TRMT13: variants seen among roughly 807,000 people sequenced by gnomAD.
The protein encoded by TRMT13 is tRNA methyltransferase 13.
In TRMT13, 45 loss-of-function variants were observed where a neutral mutation model predicts 55.9. That is an observed-to-expected ratio of 0.80 (90% CI 0.63 to 1.03). The LOEUF (loss-of-function observed/expected upper bound fraction) is 1.03, where lower values mean the gene tolerates loss of function less well. Ranked by LOEUF, TRMT13 falls within the 50% of genes least tolerant of loss-of-function variation. The pLI is 0.00. For missense variants in TRMT13, 513 were observed against 563.9 expected (o/e 0.91, Z 0.91); for synonymous variants, 183 against 196.3 (o/e 0.93, Z 0.57).
rs1445007253 is a variant in TRMT13 at position 100,148,664 on chromosome 1, T to C, written c.1290T>C (p.Leu430=). 3 of 1,611,738 alleles carry C rather than the reference T, an allele frequency of 1.9e-6. No homozygotes were observed. Among genetic ancestry groups the C allele is most frequent in the Non-Finnish European group, 2.5e-6 (3 of 1,179,438 alleles). Residue 430 remains leucine (L), a synonymous_variant, in exon 11 of 11, where the codon CTT becomes CTC. Transcript: ENST00000370141. ...AAGAAAAGAAGAAAATAGGGCATCT[T>C]TGTAAATTGCTGATTGACCAAGGTC... ...SVEEKKKIGH[L]CKLLIDQGRI...
At chr1:100,145,236 C>T (rs1162596206) in intron 9 of TRMT13, among the ~76,000 whole-genome samples, 4 of 152,166 alleles carry the variant, frequency 2.6e-5, no homozygotes, top group Non-Finnish European at 4.4e-5. Context: ...ATGATGAAAT[C>T]GCCTAATGCA....
At position 100,147,896 on chromosome 1, in the gene TRMT13, C is replaced by A. The variant is rs1319254373; in HGVS notation, c.820C>A (p.Leu274Ile). ...GGGCCACATAATTGTGTTTGCAGAT[C>A]TTGCATTACGATGTTTGGTTGAAAC... ...GKHLCGMATD[L>I]ALRCLVETYA... The change falls in exon 10 of 11, where the codon CTT becomes ATT. Residue 274 changes from leucine (L) to isoleucine (I), a missense_variant and splice_region_variant. Leu to Ile is a conservative substitution (Grantham distance 5, BLOSUM62 2). Coordinates refer to ENST00000370141, the MANE Select transcript of TRMT13 (RefSeq NM_019083.3). The A allele has an allele frequency of 6.3e-7, 1 of 1,590,714 alleles. No homozygotes were observed. The highest frequency in any genetic ancestry group is 1.8e-5 in the Admixed American group (1 of 55,778).
chr1:100,140,496 C>A lies in TRMT13; in HGVS notation c.483C>A (p.Thr161=). The A allele has an allele frequency of 1.2e-6, 2 of 1,613,360 alleles. No individual in the cohort carries two copies. The highest frequency in any genetic ancestry group is 1.1e-5 in the South Asian group (1 of 91,058). ...LNDPKNGDSA[T]KHLKQQASIL... ...ACCCTAAAAATGGCGATTCTGCAAC[C>A]AAGCACCTGAAACAGCAGGTATGTT... Residue 161 remains threonine (T), a synonymous_variant, in exon 6 of 11, where the codon ACC becomes ACA. Coordinates refer to ENST00000370141, the MANE Select transcript of TRMT13 (RefSeq NM_019083.3).
At chr1:100,148,434 A>G in intron 10 of TRMT13, 108 bp downstream of exon 10, 1 of 1,257,242 alleles carries the variant, frequency 8.0e-7, no homozygotes, top group Non-Finnish European at 1.1e-6. Context: ...TTATAATCTA[A>G]TTTTAGAATA....
chr1:100,148,986 C>G lies in TRMT13; in HGVS notation c.*166C>G. ...AGCTTTTCTTTTTACTTCAGAAATC[C>G]AAACATTAGAGAATTCACCAAAGTA... On this transcript the variant is annotated 3_prime_UTR_variant, in exon 11 of 11. Transcript: ENST00000370141. The G allele has an allele frequency of 7.0e-7, 1 of 1,421,004 alleles. No individual in the cohort carries two copies. The highest frequency in any genetic ancestry group is 9.3e-7 in the Non-Finnish European group (1 of 1,070,032). The allele number at this position is 1,421,004 out of a possible 1,614,324, so 88.0% of individuals were successfully genotyped here. A position where few individuals can be genotyped will look rare whatever the true frequency, so the allele number is the denominator to read the frequency against.
At position 100,141,038 on chromosome 1, in the gene TRMT13, CTG is replaced by C; in HGVS notation, c.669+23_669+24del. On this transcript the variant is annotated intron_variant, in intron 7 of 10. Transcript: ENST00000370141. ...ATTCAAGGTAAGTGAAACCATTGCT[CTG>C]TGTTAGTAACCAAACTTGTTTTCAT... 6.3e-7 allele frequency: 1 copy of C among 1,584,684 alleles called. No homozygotes were observed. The highest frequency in any genetic ancestry group is 8.6e-7 in the Non-Finnish European group (1 of 1,165,960).
Position 100,136,946 on chromosome 1 carries a change from A to G in TRMT13, c.194+18A>G. 13 of 1,601,756 alleles carry G rather than the reference A, an allele frequency of 8.1e-6. No individual in the cohort carries two copies. The highest frequency in any genetic ancestry group is 1.1e-5 in the Non-Finnish European group (13 of 1,176,330). On this transcript the variant is annotated intron_variant, in intron 2 of 10. Coordinates refer to ENST00000370141, the MANE Select transcript of TRMT13 (RefSeq NM_019083.3). The stretch of plus-strand genomic sequence containing the variant: ...CCAAAACAGTAAGTGTGGATCAGAT[A>G]CGGGTTTTTTTTTGTGCTGGAAACA...
chr1:100,136,989 C>G (rs1370924076), intron 2 of TRMT13, 30 bp from the exon 3 acceptor site: 21 of 1,602,502 alleles, frequency 1.3e-5, no homozygotes, highest in Non-Finnish European at 1.8e-5. Flanking sequence ...GCACAAGTCT[C>G]ATTTGAAATA....
intron 8 of TRMT13, among the ~76,000 whole-genome samples, chr1:100,143,528 C>T (rs1371599245): frequency 6.6e-6 from 1 of 152,160 alleles, no homozygotes; most frequent in Non-Finnish European, 1.5e-5. Context: ...ATAAACTAGC[C>T]TTCTGCCTGC....
chr1:100,143,141 A>T lies in TRMT13; in HGVS notation c.674A>T (p.Asp225Val). The T allele has an allele frequency of 1.9e-6, 3 of 1,605,516 alleles. No individual in the cohort carries two copies. Among genetic ancestry groups the T allele is most frequent in the Non-Finnish European group, 2.6e-6 (3 of 1,173,686 alleles). Residue 225 changes from aspartate (D) to valine (V), a missense_variant, in exon 8 of 11, where the codon GAT becomes GTT. Around this residue, in one of 3 missense-constraint regions of TRMT13, gnomAD observed 298 missense variants for 290.3 expected, o/e 1.03. Coordinates refer to ENST00000370141, the MANE Select transcript of TRMT13 (RefSeq NM_019083.3). ...AATAATGTTCTGTTTGTGCAGGTGG[A>T]TGGAAAACACAGAAAGAAAAATTCA... ...VEKVTTRFKV[D>V]GKHRKKNSVF...
intron 1 of TRMT13, among the ~76,000 whole-genome samples, chr1:100,135,977 G>A (rs1017063354): frequency 1.3e-5 from 2 of 152,046 alleles, no homozygotes; most frequent in African/African-American, 2.4e-5. Context: ...TATTTAGTAT[G>A]GTAACATGCT....
chr1:100,139,596 T>G (rs1422027738), intron 3 of TRMT13, 53 bp from the exon 4 acceptor site: 13 of 1,123,290 alleles, frequency 1.2e-5, no homozygotes, highest in Admixed American at 1.9e-5. Context: ...TTAGTTTAAT[T>G]TTTGTGAGCT....
Position 100,140,959 on chromosome 1 carries a change from C to T in TRMT13, c.609C>T (p.Ala203=), listed in dbSNP as rs1395631890. 3.1e-6 allele frequency: 5 copies of T among 1,613,454 alleles called. No individual in the cohort carries two copies. Among genetic ancestry groups the T allele is most frequent in the Non-Finnish European group, 4.2e-6 (5 of 1,179,742 alleles). Residue 203 remains alanine (A), a synonymous_variant, in exon 7 of 11, where the codon GCC becomes GCT. Transcript: ENST00000370141. ...KGKLSHWVDI[A]LKDAEKVHFI... The stretch of plus-strand genomic sequence containing the variant: ...AATTATCTCATTGGGTTGATATTGC[C>T]TTAAAAGATGCTGAAAAAGTTCACT...
At position 100,145,333 on chromosome 1, in the gene TRMT13, A is replaced by T. The variant is rs558335774; in HGVS notation, c.817+1190A>T. Among the ~76,000 whole-genome samples, 4 of 152,334 alleles carry T rather than the reference A, an allele frequency of 2.6e-5. No individual in the cohort carries two copies. In the South Asian group the frequency reaches 8.3e-4, roughly 32 times the overall value. On this transcript the variant is annotated intron_variant, in intron 9 of 10. Coordinates refer to ENST00000370141, the MANE Select transcript of TRMT13 (RefSeq NM_019083.3). ...CATTTAAGCCTCATAAAAGTCTTCT[A>T]AAGTAAACCAGTTCCATCCCGGGGG...
chr1:100,147,328 A>C (rs1210371018), intron 9 of TRMT13, among the ~76,000 whole-genome samples: 1 of 152,258 alleles, frequency 6.6e-6, no homozygotes, highest in Non-Finnish European at 1.5e-5. Flanking sequence ...TTTGTTAAAT[A>C]AATGAATAAA....
chr1:100,133,649 A>G (rs1252490189), intron 1 of TRMT13, among the ~76,000 whole-genome samples: 3 of 152,194 alleles, frequency 2.0e-5, no homozygotes. Context: ...TAGAAAAAGT[A>G]GTGATTGAAG....
chr1:100,145,875 G>A (rs538529414), intron 9 of TRMT13, among the ~76,000 whole-genome samples: 4 of 152,206 alleles, frequency 2.6e-5, no homozygotes, highest in South Asian at 2.1e-4. Context: ...TATCTCAATC[G>A]GTCAATCAAT....
chr1:100,138,483 T>C (rs1656182181), intron 3 of TRMT13, among the ~76,000 whole-genome samples: 1 of 152,182 alleles, frequency 6.6e-6, no homozygotes, highest in African/African-American at 2.4e-5. Context: ...ATTCCTGCAG[T>C]AAAACATTGT....
In TRMT13 at chr1:100,148,314, A is replaced by G. The variant is rs1557917004; in HGVS notation, c.1238A>G (p.Asp413Gly). The G allele has an allele frequency of 1.2e-6, 2 of 1,612,678 alleles. No homozygotes were observed. Among genetic ancestry groups the G allele is most frequent in the South Asian group, 1.1e-5 (1 of 91,068 alleles). The change falls in exon 10 of 11, where the codon GAT becomes GGT. Residue 413 changes from aspartate to glycine, a missense_variant. Coordinates refer to ENST00000370141, the MANE Select transcript of TRMT13 (RefSeq NM_019083.3). ...TACAGAATCACAGATGATGGCGCTG[A>G]TTGTTTGCCTGGGTAAGAGACTACT... ...GGYRITDDGA[D>G]CLPGLLSVEE...
Sources: gnomAD v4.1 joint callset for allele counts (sites outside exome capture counted in the v4.1 genomes callset) on GRCh38, gnomAD v4.1.1 for gene constraint, gnomAD v4.1.1 regional missense constraint, MANE v1.5 for transcripts, NCBI Gene and HGNC (gene_info 2026-07-23, HGNC 2026-07-21) for gene names.